ABHD2: variants seen among roughly 807,000 people sequenced by gnomAD.
ABHD2 encodes the protein monoacylglycerol lipase ABHD2.
In ABHD2, 20 loss-of-function variants were observed where a neutral mutation model predicts 48.1. The ratio of observed to expected loss-of-function variants is 0.42; its 90% CI spans 0.29 to 0.60. The LOEUF (loss-of-function observed/expected upper bound fraction) is 0.60. Among genes scored for constraint, ABHD2 ranks in the 20% least tolerant of loss-of-function variants. The pLI is 0.24. For synonymous variants in ABHD2, 209 were observed against 214.2 expected (o/e 0.98, Z 0.21); for missense variants, 405 against 550.9 (o/e 0.74, Z 2.65).
the ABHD2 span, among the ~76,000 whole-genome samples, chr15:89,062,749 A>G: frequency 6.6e-6 from 1 of 152,110 alleles, no homozygotes; most frequent in African/African-American, 2.4e-5. Flanking sequence ...TTCTAAGACT[A>G]GCAATAAAAG....
intron 3 of ABHD2, among the ~76,000 whole-genome samples, chr15:89,128,467 T>A (rs1044218124): frequency 6.6e-6 from 1 of 152,180 alleles, no homozygotes; most frequent in Non-Finnish European, 1.5e-5. Flanking sequence ...TTGACACATA[T>A]CCACGTTGTC....
At chr15:89,140,945 TTTA>T in intron 3 of ABHD2, among the ~76,000 whole-genome samples, 1 of 151,172 alleles carries the variant, frequency 6.6e-6, no homozygotes, top group South Asian at 2.1e-4. Context: ...AGGGCATAAC[TTTA>T]TTATAGTTAA....
the ABHD2 span, among the ~76,000 whole-genome samples, chr15:89,049,471 GGC>G: frequency 6.6e-6 from 1 of 152,232 alleles, no homozygotes; most frequent in Non-Finnish European, 1.5e-5. Flanking sequence ...GGCAATGGCG[GGC>G]GCCCCTCCCC....
chr15:89,043,636 G>A, the ABHD2 span, among the ~76,000 whole-genome samples: 1 of 136,834 alleles, frequency 7.3e-6, no homozygotes, highest in Admixed American at 7.4e-5. Context: ...AGGAGGAGGA[G>A]GAGGAGGAAG....
At chr15:89,121,203 G>A (rs957965067) in intron 3 of ABHD2, among the ~76,000 whole-genome samples, 15 of 152,184 alleles carry the variant, frequency 9.9e-5, no homozygotes, top group Non-Finnish European at 1.3e-4. Flanking sequence ...TAAAATGATA[G>A]CCCCTCTGGT....
rs755606198 is a variant in ABHD2 at position 89,191,166 on chromosome 15, G to A, written c.996+17G>A. The A allele has an allele frequency of 2.5e-6, 4 of 1,613,348 alleles. No homozygotes were observed. Among genetic ancestry groups the A allele is most frequent in the Non-Finnish European group, 3.4e-6 (4 of 1,179,580 alleles). On this transcript the variant is annotated intron_variant, in intron 9 of 10. Coordinates refer to ENST00000352732, the MANE Select transcript of ABHD2 (RefSeq NM_152924.5). ...CTGCACAGGGTGAGTGGCCATCACG[G>A]GCTCAGAATCAGCATCACTCCACCC... is the stretch of plus-strand genomic sequence containing the variant.
Position 89,151,008 on chromosome 15 carries a change from T to C in ABHD2, c.195-669T>C, listed in dbSNP as rs2150886680. Among the ~76,000 whole-genome samples, 1 of 152,394 alleles carries C rather than the reference T, an allele frequency of 6.6e-6. No individual in the cohort carries two copies. Among genetic ancestry groups the C allele is most frequent in the East Asian group, 1.9e-4 (1 of 5,194 alleles). ...AACGCCTAGAGTCACTCTGTGTTTTTACAATGCACCGTTGTTAGCGAGGCT... is the reference window on the plus strand; with the variant it reads ...AACGCCTAGAGTCACTCTGTGTTTTCACAATGCACCGTTGTTAGCGAGGCT... On this transcript the variant is annotated intron_variant, in intron 3 of 10. Transcript: ENST00000352732. This position sits in a 1 kb window ranked among gnomAD's most constrained non-coding sequence, Gnocchi z 4.7.
chr15:89,082,854 T>C (rs372884278), upstream of ABHD2: 9 of 152,236 alleles, frequency 5.9e-5, no homozygotes, highest in African/African-American at 2.2e-4. The surrounding 1 kb of genome is among the most constrained non-coding windows in gnomAD (Gnocchi z 4.4). Context: ...TTGTTTGTTA[T>C]TGTTTTTGAG....
the ABHD2 span, among the ~76,000 whole-genome samples, chr15:89,061,054 T>G: frequency 9.2e-5 from 14 of 152,066 alleles, 1 homozygote; most frequent in Admixed American, 4.6e-4. Flanking sequence ...ATGGACATAA[T>G]GATGGAAACA....
At chr15:89,132,090 A>T (rs1373265375) in intron 3 of ABHD2, among the ~76,000 whole-genome samples, 1 of 152,212 alleles carries the variant, frequency 6.6e-6, no homozygotes, top group Non-Finnish European at 1.5e-5. Context: ...ATATGTAAAG[A>T]TGTTTTGCTG....
the ABHD2 span, among the ~76,000 whole-genome samples, chr15:89,069,141 A>T: frequency 3.2e-4 from 24 of 76,162 alleles, no homozygotes; most frequent in African/African-American, 1.0e-3. Flanking sequence ...TTTTTTTTTT[A>T]AAGAGATAGG....
intron 3 of ABHD2, among the ~76,000 whole-genome samples, chr15:89,147,909 G>A (rs1381195915): frequency 1.3e-5 from 2 of 151,200 alleles, no homozygotes; most frequent in Non-Finnish European, 2.9e-5. Flanking sequence ...CTGAGGCCAG[G>A]AGTTCAAGAC....
At chr15:89,084,953 T>C (rs550484744), upstream of ABHD2, among the ~76,000 whole-genome samples, 1 of 152,156 alleles carries the variant, frequency 6.6e-6, no homozygotes, top group Non-Finnish European at 1.5e-5. The surrounding 1 kb of genome is among the most constrained non-coding windows in gnomAD (Gnocchi z 4.4). Context: ...TCCCCAGCAG[T>C]AGAGCTTCCA....
intron 3 of ABHD2, chr15:89,136,560 C>T (rs1216771196): frequency 1.0e-5 from 3 of 294,650 alleles, no homozygotes; most frequent in Non-Finnish European, 2.1e-5. Context: ...TCACTTGCCC[C>T]AGTGCTATCT....
In ABHD2 at chr15:89,176,008, C is replaced by T. The variant is rs748236226; in HGVS notation, c.722+13C>T. ...ACAGTGCACTGAGGTGAGTCATCTC[C>T]GCCTTCCATCAGGGCCTTCAGTTAG... On this transcript the variant is annotated intron_variant, in intron 6 of 10. Coordinates refer to ENST00000352732, the MANE Select transcript of ABHD2 (RefSeq NM_152924.5). This position sits in a 1 kb window ranked among gnomAD's most constrained non-coding sequence, Gnocchi z 4.5. 113 of 1,581,322 alleles carry T rather than the reference C, an allele frequency of 7.1e-5. No individual in the cohort carries two copies. The highest frequency in any genetic ancestry group is 2.0e-4 in the Admixed American group (11 of 54,062).
chr15:89,068,271 A>G, the ABHD2 span, among the ~76,000 whole-genome samples: 1 of 152,144 alleles, frequency 6.6e-6, no homozygotes, highest in Non-Finnish European at 1.5e-5. Context: ...GTACTGCTAC[A>G]TAACAAACCA....
chr15:89,121,904 C>T (rs1464610429), intron 3 of ABHD2, among the ~76,000 whole-genome samples: 1 of 152,188 alleles, frequency 6.6e-6, no homozygotes, highest in Non-Finnish European at 1.5e-5. Flanking sequence ...TCGTAACTCA[C>T]CGTAACCTCA....
At chr15:89,127,862 A>C (rs1173800760) in intron 3 of ABHD2, among the ~76,000 whole-genome samples, 1 of 151,538 alleles carries the variant, frequency 6.6e-6, no homozygotes, top group East Asian at 1.9e-4. Flanking sequence ...TCACATTTCC[A>C]CCTTCTCTGT....
In ABHD2 at chr15:89,196,087, C is replaced by G. The variant is rs2051397782; in HGVS notation, c.*664C>G. The G allele has an allele frequency of 6.6e-6, 1 of 152,630 alleles. No individual in the cohort carries two copies. The allele number at this position is 152,630 out of a possible 1,614,324, so 9.5% of individuals were successfully genotyped here. A position where few individuals can be genotyped will look rare whatever the true frequency, so the allele number is the denominator to read the frequency against. The stretch of plus-strand genomic sequence containing the variant: ...CCCTCCCCTCGGAGAGGCTGATTCA[C>G]TGGGTCTGGGAAGGAGCCTGGGGAT... On this transcript the variant is annotated 3_prime_UTR_variant, in exon 11 of 11. Transcript: ENST00000352732.
Sources: allele counts gnomAD v4.1 joint callset (sites outside exome capture counted in the v4.1 genomes callset), GRCh38; gene constraint gnomAD v4.1.1; non-coding constraint Gnocchi (gnomAD v3.1); transcripts MANE v1.5; gene names NCBI Gene and HGNC (gene_info 2026-07-23, HGNC 2026-07-21).